Variants in TXLNB observed in about 807,000 individuals in gnomAD.
TXLNB encodes taxilin beta, also known as beta-taxilin.
In TXLNB, 37 loss-of-function variants were observed where a neutral mutation model predicts 57.4. That is an observed-to-expected ratio of 0.64 (90% CI 0.50 to 0.85). The LOEUF is 0.85. Among genes scored for constraint, TXLNB ranks in the 40% least tolerant of loss-of-function variants. The pLI, the probability that TXLNB is intolerant of heterozygous loss-of-function variation, is 0.00. For missense variants in TXLNB, 848 were observed against 825.6 expected (o/e 1.03, Z -0.33); for synonymous variants, 302 against 309.6 (o/e 0.98, Z 0.26).
chr6:139,164,526 G>A, the TXLNB span, among the ~76,000 whole-genome samples: 1 of 152,086 alleles, frequency 6.6e-6, no homozygotes, highest in Admixed American at 6.5e-5. Context: ...ATTAAGAATT[G>A]GCGATGTAGT....
At chr6:139,200,544 A>C in the TXLNB span, among the ~76,000 whole-genome samples, 15 of 152,170 alleles carry the variant, frequency 9.9e-5, no homozygotes, top group African/African-American at 3.6e-4. Context: ...TGCCATGATC[A>C]ATGGTGGATG....
At chr6:139,184,855 G>C in the TXLNB span, among the ~76,000 whole-genome samples, 1 of 152,170 alleles carries the variant, frequency 6.6e-6, no homozygotes, top group African/African-American at 2.4e-5. Flanking sequence ...GTTCCATATA[G>C]TCTTGGAAAA....
At chr6:139,163,479 G>A in the TXLNB span, among the ~76,000 whole-genome samples, 1 of 151,540 alleles carries the variant, frequency 6.6e-6, no homozygotes, top group Admixed American at 6.6e-5. Flanking sequence ...TCAGCCTCCC[G>A]AGTAGCTGGG....
the TXLNB span, among the ~76,000 whole-genome samples, chr6:139,320,654 A>AC: frequency 6.7e-6 from 1 of 148,894 alleles, no homozygotes; most frequent in Non-Finnish European, 1.5e-5. Context: ...TTTTTTTTTT[A>AC]CCAACCTAGA....
the TXLNB span, among the ~76,000 whole-genome samples, chr6:139,209,083 T>C: frequency 6.6e-6 from 1 of 152,178 alleles, no homozygotes; most frequent in South Asian, 2.1e-4. Flanking sequence ...GTAAATGAAT[T>C]CAGCGATATT....
In TXLNB at chr6:139,244,669, G is replaced by A. The variant is rs532850255; in HGVS notation, c.1192C>T (p.Leu398=). The A allele has an allele frequency of 2.1e-5, 34 of 1,613,372 alleles. No homozygotes were observed. In the South Asian group the frequency reaches 3.6e-4, roughly 17 times the overall value. The change falls in exon 9 of 10, where the codon CTG becomes TTG. Residue 398 remains leucine, a synonymous_variant. Coordinates refer to ENST00000358430, the MANE Select transcript of TXLNB (RefSeq NM_153235.4). ...TTCCATGTGGCTGTGTCCTTTTCCA[G>A]CTTCTTCATTTTCTTAGTTGTCTAC... The part of the protein sequence containing the change: ...MDKTTKKMKK[L]EKDTATWKAR...
chr6:139,173,469 T>A, the TXLNB span, among the ~76,000 whole-genome samples: 1 of 152,180 alleles, frequency 6.6e-6, no homozygotes, highest in Non-Finnish European at 1.5e-5. Flanking sequence ...AGCAGGTTGA[T>A]CCTTACTACT....
chr6:139,268,306 G>A (rs943301788), intron 4 of TXLNB, among the ~76,000 whole-genome samples: 3 of 151,788 alleles, frequency 2.0e-5, no homozygotes, highest in Non-Finnish European at 4.4e-5. Context: ...AAAATAAGCG[G>A]ACAATTCCAC....
At chr6:139,179,328 ATTG>A in the TXLNB span, 1 of 152,166 alleles carries the variant, frequency 6.6e-6, no homozygotes, top group Non-Finnish European at 1.5e-5. Flanking sequence ...CCTGCTTTAT[ATTG>A]TTGTTCTGAA....
the TXLNB span, among the ~76,000 whole-genome samples, chr6:139,208,095 GA>G: frequency 6.6e-6 from 1 of 152,020 alleles, no homozygotes; most frequent in South Asian, 2.1e-4. Flanking sequence ...AAAAGAGAGA[GA>G]GAGAGAAACT....
the TXLNB span, among the ~76,000 whole-genome samples, chr6:139,306,568 T>C: frequency 2.0e-5 from 3 of 152,224 alleles, no homozygotes; most frequent in African/African-American, 7.2e-5. Context: ...TCAATCCACT[T>C]CCTCATGACT....
At chr6:139,186,464 C>T in the TXLNB span, among the ~76,000 whole-genome samples, 1 of 152,338 alleles carries the variant, frequency 6.6e-6, no homozygotes, top group African/African-American at 2.4e-5. Context: ...TACCACTTCA[C>T]ACCCATTTTA....
At chr6:139,165,168 G>A in the TXLNB span, among the ~76,000 whole-genome samples, 1 of 152,156 alleles carries the variant, frequency 6.6e-6, no homozygotes, top group South Asian at 2.1e-4. Context: ...AGATTAAACA[G>A]ATGAAATAAC....
the TXLNB span, among the ~76,000 whole-genome samples, chr6:139,314,233 G>C: frequency 2.0e-5 from 3 of 152,128 alleles, no homozygotes; most frequent in African/African-American, 7.2e-5. Context: ...CTAAGACTCT[G>C]GGACCTTTTA....
the TXLNB span, chr6:139,166,203 TATACC>T: frequency 1.8e-6 from 2 of 1,134,148 alleles, no homozygotes; most frequent in East Asian, 4.8e-5. Flanking sequence ...AGAAAAACCT[TATACC>T]ATACTGTTGC....
chr6:139,274,723 G>A (rs1776850777), intron 3 of TXLNB, among the ~76,000 whole-genome samples: 1 of 152,110 alleles, frequency 6.6e-6, no homozygotes, highest in Admixed American at 6.6e-5. Flanking sequence ...ACTGTCGTGG[G>A]AATGTAACAC....
At chr6:139,202,307 C>T in the TXLNB span, among the ~76,000 whole-genome samples, 1 of 152,324 alleles carries the variant, frequency 6.6e-6, no homozygotes, top group South Asian at 2.1e-4. Context: ...CACTATTGTA[C>T]AAATTGGCCA....
At chr6:139,233,349 AT>A in the TXLNB span, among the ~76,000 whole-genome samples, 2 of 3,564 alleles carry the variant, frequency 5.6e-4, no homozygotes, top group African/African-American at 1.8e-3. Context: ...TTTACTATAT[AT>A]AAATATATAT....
At chr6:139,317,525 G>A in the TXLNB span, among the ~76,000 whole-genome samples, 11 of 151,782 alleles carry the variant, frequency 7.2e-5, no homozygotes, top group Non-Finnish European at 1.6e-4. Context: ...TCAGCATCCC[G>A]AGTAGCTGGG....
Sources: allele counts gnomAD v4.1 joint callset (sites outside exome capture counted in the v4.1 genomes callset), GRCh38; gene constraint gnomAD v4.1.1; transcripts MANE v1.5; gene names NCBI Gene and HGNC (gene_info 2026-07-23, HGNC 2026-07-21).